The following MCTP1 variants were observed in gnomAD, a reference collection of about 807,000 sequenced individuals.
The protein encoded by MCTP1 is multiple C2 and transmembrane domain-containing protein 1.
MCTP1 carries 69 observed loss-of-function variants against 120.6 expected under a neutral mutation model. The ratio of observed to expected loss-of-function variants is 0.57; its 90% CI spans 0.47 to 0.70. MCTP1 has a LOEUF of 0.70. Among genes scored for constraint, MCTP1 ranks in the 30% least tolerant of loss-of-function variants. The pLI, the probability that MCTP1 is intolerant of heterozygous loss-of-function variation, is 0.00. For synonymous variants in MCTP1, 529 were observed against 493.1 expected (o/e 1.07, Z -0.96); for missense variants, 1,203 against 1,248.8 (o/e 0.96, Z 0.55).
chr5:94,827,868 A>G (rs11740204), intron 17 of MCTP1, among the ~76,000 whole-genome samples: 7,681 of 151,290 alleles, frequency 0.051, 299 homozygotes, highest in South Asian at 0.096. Context: ...AATTCCTCTA[A>G]CCTTTTATCA....
chr5:95,015,727 G>T (rs768780034), intron 2 of MCTP1, among the ~76,000 whole-genome samples: 1 of 151,886 alleles, frequency 6.6e-6, no homozygotes, highest in Non-Finnish European at 1.5e-5. Flanking sequence ...TATTTTTACA[G>T]CTCCATAGTA....
At chr5:94,955,649 G>T (rs2153542761) in intron 2 of MCTP1, among the ~76,000 whole-genome samples, 1 of 152,320 alleles carries the variant, frequency 6.6e-6, no homozygotes, top group Admixed American at 6.5e-5. Context: ...CAAAGCTGCA[G>T]AAAGTTCAGA....
intron 20 of MCTP1, among the ~76,000 whole-genome samples, chr5:94,714,297 A>G (rs1166503230): frequency 1.3e-5 from 2 of 152,164 alleles, no homozygotes; most frequent in African/African-American, 4.8e-5. Flanking sequence ...TCAGCTATTT[A>G]AATACAAACT....
At chr5:94,734,941 C>T in intron 19 of MCTP1, among the ~76,000 whole-genome samples, 1 of 151,922 alleles carries the variant, frequency 6.6e-6, no homozygotes, top group Non-Finnish European at 1.5e-5. Flanking sequence ...ATCCGTTTTC[C>T]CTTAATAGAT....
At chr5:95,276,906 C>T (rs1759892616) in intron 1 of MCTP1, among the ~76,000 whole-genome samples, 1 of 151,868 alleles carries the variant, frequency 6.6e-6, no homozygotes, top group Admixed American at 6.6e-5. Flanking sequence ...GAGCCCATAT[C>T]GTGCCACTGC....
At chr5:95,006,246 C>T (rs1165310105) in intron 2 of MCTP1, among the ~76,000 whole-genome samples, 4 of 151,804 alleles carry the variant, frequency 2.6e-5, no homozygotes, top group Non-Finnish European at 4.4e-5. Flanking sequence ...TATGTATATA[C>T]ACACACATAC....
At chr5:95,131,349 G>A (rs1413951882) in intron 1 of MCTP1, among the ~76,000 whole-genome samples, 1 of 152,170 alleles carries the variant, frequency 6.6e-6, no homozygotes, top group Non-Finnish European at 1.5e-5. Context: ...AAAATGTGAA[G>A]CAAGGAGACT....
chr5:94,910,847 A>C (rs1165900190), intron 9 of MCTP1, among the ~76,000 whole-genome samples: 1 of 143,570 alleles, frequency 7.0e-6, no homozygotes, highest in Non-Finnish European at 1.5e-5. Flanking sequence ...CAGAAAAAAA[A>C]TGGCACTGAA....
intron 2 of MCTP1, among the ~76,000 whole-genome samples, chr5:94,988,104 G>C (rs935312539): frequency 6.6e-6 from 1 of 152,120 alleles, no homozygotes; most frequent in Non-Finnish European, 1.5e-5. Context: ...GTCTTCCAAG[G>C]CTAGTGATAT....
At chr5:94,859,771 C>T (rs1329036185) in intron 17 of MCTP1, among the ~76,000 whole-genome samples, 1 of 151,658 alleles carries the variant, frequency 6.6e-6, no homozygotes, top group Non-Finnish European at 1.5e-5. Context: ...CAAAATATAA[C>T]ACTTCTCGTA....
At chr5:95,131,073 G>A (rs982838386) in intron 1 of MCTP1, among the ~76,000 whole-genome samples, 1 of 152,144 alleles carries the variant, frequency 6.6e-6, no homozygotes, top group Non-Finnish European at 1.5e-5. Context: ...ACTGCTAGTG[G>A]CCAATGTCGC....
chr5:94,988,311 CT>C (rs5869663), intron 2 of MCTP1, among the ~76,000 whole-genome samples: 108,429 of 150,890 alleles, frequency 0.72, 39,370 homozygotes, highest in Admixed American at 0.81. Flanking sequence ...GATATTTAGG[CT>C]TTTTTTTTTC....
At chr5:94,953,751 G>GAT (rs147076142) in intron 2 of MCTP1, among the ~76,000 whole-genome samples, 198 of 141,532 alleles carry the variant, frequency 1.4e-3, no homozygotes, top group African/African-American at 2.1e-3. Context: ...GCTAAAATGT[G>GAT]ATATATATAT....
intron 19 of MCTP1, among the ~76,000 whole-genome samples, chr5:94,747,926 A>G (rs1767305786): frequency 6.6e-6 from 1 of 152,098 alleles, no homozygotes; most frequent in African/African-American, 2.4e-5. Context: ...TCCCGTCTCT[A>G]CTAAAAGTAT....
At chr5:94,765,398 G>A (rs2152870196) in intron 19 of MCTP1, among the ~76,000 whole-genome samples, 1 of 152,216 alleles carries the variant, frequency 6.6e-6, no homozygotes, top group South Asian at 2.1e-4. Context: ...ATAAAGATCA[G>A]AGCAGAACTA....
At chr5:95,080,242 G>A (rs1436150259) in intron 1 of MCTP1, among the ~76,000 whole-genome samples, 2 of 152,046 alleles carry the variant, frequency 1.3e-5, no homozygotes, top group African/African-American at 4.8e-5. Context: ...TTTGTGCTGT[G>A]GCAATGGCTA....
intron 17 of MCTP1, among the ~76,000 whole-genome samples, chr5:94,854,295 G>A (rs1459530142): frequency 1.3e-5 from 2 of 151,756 alleles, no homozygotes; most frequent in Admixed American, 6.6e-5. Flanking sequence ...TTTGAGGTAC[G>A]GGTCATGAAT....
intron 7 of MCTP1, among the ~76,000 whole-genome samples, chr5:94,920,931 C>A (rs1581367848): frequency 6.6e-6 from 1 of 152,074 alleles, no homozygotes; most frequent in Middle Eastern, 3.4e-3. Context: ...CATTGTGACC[C>A]TTTTCTTGAT....
chr5:95,086,840 T>C (rs2152333725), intron 1 of MCTP1, among the ~76,000 whole-genome samples: 1 of 152,300 alleles, frequency 6.6e-6, no homozygotes, highest in South Asian at 2.1e-4. Context: ...ATGGTGCATA[T>C]ACCTTCCTAT....
Sources: allele counts gnomAD v4.1 joint callset (sites outside exome capture counted in the v4.1 genomes callset), GRCh38; gene constraint gnomAD v4.1.1; transcripts MANE v1.5; gene names NCBI Gene and HGNC (gene_info 2026-07-23, HGNC 2026-07-21).